The following PCDHA4 variants were observed in gnomAD, a reference collection of about 807,000 sequenced individuals.
PCDHA4 encodes protocadherin alpha 4, also known as protocadherin alpha-4.
Under a neutral mutation model 61.4 loss-of-function variants are expected in PCDHA4, and 49 were observed. The ratio of observed to expected loss-of-function variants is 0.80; its 90% CI spans 0.63 to 1.01. PCDHA4 has a LOEUF of 1.01. Ranked by LOEUF, PCDHA4 falls within the 50% of genes least tolerant of loss-of-function variation. PCDHA4 has a pLI of 0.00. For synonymous variants in PCDHA4, 590 were observed against 550.3 expected (o/e 1.07, Z -1.01); for missense variants, 1,254 against 1,235.8 (o/e 1.01, Z -0.22).
intron 1 of PCDHA4, chr5:140,969,054 A>G (rs782226153): frequency 6.2e-7 from 1 of 1,614,182 alleles, no homozygotes; most frequent in South Asian, 1.1e-5. Context: ...GCCAACAACA[A>G]TATTGATGCC....
intron 1 of PCDHA4, chr5:140,828,952 C>T (rs1202172240): frequency 4.5e-5 from 72 of 1,613,992 alleles, no homozygotes; most frequent in Admixed American, 1.5e-4. Context: ...TTGTTGCAGC[C>T]ATGGTTATTG....
rs782644684 is a variant in PCDHA4 at position 140,870,861 on chromosome 5, G to C, written c.2385+61289G>C. The C allele has an allele frequency of 1.9e-6, 3 of 1,613,770 alleles. No individual in the cohort carries two copies. The African/African-American group carries it at 4.0e-5, about 22-fold the overall frequency. ...AGCTAGTACCGCGGTCGGTGGGTGC[G>C]GGCCACGTGGTGGCGAAGGTGCGCG... On this transcript the variant is annotated intron_variant, in intron 1 of 3. Coordinates refer to ENST00000530339, the MANE Select transcript of PCDHA4 (RefSeq NM_018907.4).
chr5:140,863,082 G>A (rs1424614073), intron 1 of PCDHA4: 2 of 572,800 alleles, frequency 3.5e-6, no homozygotes, highest in Non-Finnish European at 6.9e-6. Flanking sequence ...GCACGGGCGA[G>A]ATCAGCACGA....
At chr5:140,983,168 C>G (rs2097030716) in intron 3 of PCDHA4, among the ~76,000 whole-genome samples, 1 of 152,146 alleles carries the variant, frequency 6.6e-6, no homozygotes. Context: ...CCAAACATGA[C>G]CGCCTCACAA....
intron 1 of PCDHA4, among the ~76,000 whole-genome samples, chr5:140,924,695 G>C (rs1190287077): frequency 2.6e-5 from 4 of 152,024 alleles, no homozygotes; most frequent in African/African-American, 9.7e-5. Context: ...AGGAGTTCGA[G>C]ACCAGCTTGT....
At chr5:140,867,294 T>C (rs987236296) in intron 1 of PCDHA4, 3 of 152,152 alleles carry the variant, frequency 2.0e-5, no homozygotes, top group African/African-American at 7.2e-5. Flanking sequence ...TCAAATATCA[T>C]GTTGAATATA....
In PCDHA4 at chr5:140,867,382, C is replaced by T. The variant is rs1201158672; in HGVS notation, c.2385+57810C>T. ...TTTTACAGATGCGTAATGGAATTAA[C>T]GGTTATAAAAGTTGATATGTCTCCT... On this transcript the variant is annotated intron_variant, in intron 1 of 3. Coordinates refer to ENST00000530339, the MANE Select transcript of PCDHA4 (RefSeq NM_018907.4). The T allele has an allele frequency of 4.6e-5, 7 of 152,006 alleles. No individual in the cohort carries two copies. In the East Asian group the frequency reaches 7.7e-4, roughly 17 times the overall value. 9.4% of individuals were successfully genotyped at this position (152,006 alleles called of 1,614,324 possible).
chr5:140,822,990 G>A (rs1224032407), intron 1 of PCDHA4: 8 of 1,614,066 alleles, frequency 5.0e-6, no homozygotes, highest in Admixed American at 1.7e-5. Flanking sequence ...ATTACTACTC[G>A]TTGGTGCTGG....
chr5:140,925,402 T>C (rs1379767028), intron 1 of PCDHA4, among the ~76,000 whole-genome samples: 1 of 152,110 alleles, frequency 6.6e-6, no homozygotes, highest in Non-Finnish European at 1.5e-5. Context: ...CTCGCCTCCT[T>C]CTTAGGGAAA....
intron 1 of PCDHA4, chr5:140,876,574 G>A (rs1554168680): frequency 1.9e-6 from 3 of 1,614,158 alleles, no homozygotes; most frequent in Non-Finnish European, 2.5e-6. Flanking sequence ...GGTGGGTACC[G>A]TCATTGCCCT....
rs2150318031 is a variant in PCDHA4, at chr5:140,841,549, G to A, written c.2385+31977G>A. The A allele has an allele frequency of 3.1e-6, 5 of 1,613,828 alleles. No homozygotes were observed. The South Asian group carries it at 3.3e-5, about 11-fold the overall frequency. On this transcript the variant is annotated intron_variant, in intron 1 of 3. Transcript: ENST00000530339. ...CCAAAAGACACCGGGACCTTCTGGA[G>A]GTAAGTCTGCAGAATGGCATTTTGT...
chr5:140,824,197 C>G, intron 1 of PCDHA4: 1 of 1,598,572 alleles, frequency 6.3e-7, no homozygotes, highest in Non-Finnish European at 8.6e-7. Context: ...CATTCACCCA[C>G]TTTTTTTGTA....
rs2150458258 is a variant in PCDHA4 at position 140,849,933 on chromosome 5, C to T, written c.2385+40361C>T. On this transcript the variant is annotated intron_variant, in intron 1 of 3. Transcript: ENST00000530339. Reference sequence around the variant, plus strand: ...CTGCCACATCTTCACGGTGTCTGCGCGGGACGCTGACGCGCAGGAGAACGC... The same window carrying T: ...CTGCCACATCTTCACGGTGTCTGCGTGGGACGCTGACGCGCAGGAGAACGC... The T allele has an allele frequency of 9.3e-5, 149 of 1,598,118 alleles. 10 individuals are homozygous for T. The highest frequency in any genetic ancestry group is 7.4e-4 in the South Asian group (67 of 90,542).
chr5:140,881,909 G>A (rs941994896), intron 1 of PCDHA4: 2 of 230,500 alleles, frequency 8.7e-6, no homozygotes, highest in Non-Finnish European at 1.7e-5. Context: ...AATATAAAAT[G>A]TTGAGCAGAA....
At position 140,843,615 on chromosome 5, in the gene PCDHA4, C is replaced by G. The variant is rs111750019; in HGVS notation, c.2385+34043C>G. ...AGGGTGTGCTCTGGTGAGGGGCCAC[C>G]GAAGACGGACCTCATGGCCTTCAGC... On this transcript the variant is annotated intron_variant, in intron 1 of 3. Coordinates refer to ENST00000530339, the MANE Select transcript of PCDHA4 (RefSeq NM_018907.4). The G allele has an allele frequency of 2.1e-5, 33 of 1,595,902 alleles. 4 individuals are homozygous for G. Among genetic ancestry groups the G allele is most frequent in the Middle Eastern group, 3.3e-4 (2 of 6,016 alleles).
intron 1 of PCDHA4, among the ~76,000 whole-genome samples, chr5:140,890,562 C>T (rs1456006217): frequency 1.3e-5 from 2 of 151,980 alleles, no homozygotes; most frequent in Non-Finnish European, 2.9e-5. Flanking sequence ...TTTTATTGTT[C>T]CATTTCCTTC....
chr5:140,831,517 C>A (rs1771584524), intron 1 of PCDHA4, among the ~76,000 whole-genome samples: 3 of 130,048 alleles, frequency 2.3e-5, no homozygotes, highest in South Asian at 5.1e-4. Flanking sequence ...CCATGCCCCC[C>A]ACCTTTTTTT....
chr5:140,870,345 C>T (rs782253040), intron 1 of PCDHA4: 7 of 1,614,066 alleles, frequency 4.3e-6, no homozygotes, highest in South Asian at 2.2e-5. Flanking sequence ...CCCTGGACCG[C>T]GAGAACGTGT....
chr5:140,828,937 T>C (rs1770037228), intron 1 of PCDHA4: 1 of 1,614,274 alleles, frequency 6.2e-7, no homozygotes, highest in Non-Finnish European at 8.5e-7. Context: ...ATTCTTTTAA[T>C]AGCCTTGTTG....
Sources: gnomAD v4.1 joint callset for allele counts (sites outside exome capture counted in the v4.1 genomes callset) on GRCh38, gnomAD v4.1.1 for gene constraint, MANE v1.5 for transcripts, NCBI Gene and HGNC (gene_info 2026-07-23, HGNC 2026-07-21) for gene names.